The following PIK3C2G variants were observed in gnomAD, a reference collection of about 807,000 sequenced individuals.
The protein encoded by PIK3C2G is phosphatidylinositol-4-phosphate 3-kinase catalytic subunit type 2 gamma.
A neutral mutation model predicts 181.1 loss-of-function variants in PIK3C2G; 168 were observed. That is an observed-to-expected ratio of 0.93 (90% CI 0.82 to 1.05). PIK3C2G has a LOEUF of 1.05. Among genes scored for constraint, PIK3C2G ranks in the 50% least tolerant of loss-of-function variants. PIK3C2G has a pLI of 0.00. For missense variants in PIK3C2G, 1,869 were observed against 1,732.8 expected, an observed-to-expected ratio of 1.08 and a Z score of -1.40; for synonymous variants, 573 against 592.2, an observed-to-expected ratio of 0.97 and a Z score of 0.47.
At chr12:18,442,374 A>G (rs1946791001) in intron 18 of PIK3C2G, among the ~76,000 whole-genome samples, 1 of 151,362 alleles carries the variant, frequency 6.6e-6, no homozygotes, top group East Asian at 1.9e-4. Flanking sequence ...CCTTAGAAGA[A>G]TAAGAAAAAT....
chr12:18,623,036 CT>C (rs1948933070), intron 31 of PIK3C2G, among the ~76,000 whole-genome samples: 1 of 151,800 alleles, frequency 6.6e-6, no homozygotes, highest in Non-Finnish European at 1.5e-5. Context: ...TGTGCAGAAG[CT>C]TTTCATTTTG....
At chr12:18,552,305 CAT>C (rs2136294543) in intron 26 of PIK3C2G, among the ~76,000 whole-genome samples, 1 of 152,244 alleles carries the variant, frequency 6.6e-6, no homozygotes, top group Non-Finnish European at 1.5e-5. Flanking sequence ...TGTCTTAAAA[CAT>C]AGTTCAATGA....
intron 16 of PIK3C2G, among the ~76,000 whole-genome samples, chr12:18,419,305 C>T (rs1184389464): frequency 6.6e-6 from 1 of 152,160 alleles, no homozygotes; most frequent in Non-Finnish European, 1.5e-5. Flanking sequence ...AATAGTCACA[C>T]AGGGAAGCAT....
intron 18 of PIK3C2G, among the ~76,000 whole-genome samples, chr12:18,469,835 C>A (rs1472430500): frequency 6.7e-6 from 1 of 150,204 alleles, no homozygotes; most frequent in African/African-American, 2.4e-5. Flanking sequence ...GATATCAGCA[C>A]CCTCTTATTA....
At chr12:18,275,041 C>T (rs1176285705) in intron 1 of PIK3C2G, among the ~76,000 whole-genome samples, 1 of 152,126 alleles carries the variant, frequency 6.6e-6, no homozygotes, top group Non-Finnish European at 1.5e-5. Context: ...TTTTAAAAGT[C>T]CATAAGAACA....
At chr12:18,586,011 T>G (rs1329966790) in intron 29 of PIK3C2G, among the ~76,000 whole-genome samples, 3 of 152,026 alleles carry the variant, frequency 2.0e-5, no homozygotes, top group Non-Finnish European at 4.4e-5. Flanking sequence ...AAGAACAAAG[T>G]TACAACATAC....
chr12:18,554,588 G>A (rs1247376287), intron 26 of PIK3C2G, among the ~76,000 whole-genome samples: 1 of 151,990 alleles, frequency 6.6e-6, no homozygotes. Context: ...GTTTTATCAT[G>A]TACCCAGAAT....
At chr12:18,595,559 T>C (rs1947315057) in intron 30 of PIK3C2G, among the ~76,000 whole-genome samples, 1 of 152,150 alleles carries the variant, frequency 6.6e-6, no homozygotes, top group Non-Finnish European at 1.5e-5. Context: ...TAACTAAACA[T>C]GCCTTGGGAG....
intron 6 of PIK3C2G, among the ~76,000 whole-genome samples, chr12:18,318,492 G>C (rs181460068): frequency 1.3e-5 from 2 of 151,750 alleles, no homozygotes; most frequent in East Asian, 3.9e-4. Context: ...TTTTATAATG[G>C]TGTCAAAATT....
chr12:18,487,561 AAT>A (rs1213321711), intron 18 of PIK3C2G, among the ~76,000 whole-genome samples: 2 of 151,800 alleles, frequency 1.3e-5, no homozygotes, highest in Non-Finnish European at 2.9e-5. Flanking sequence ...TGTGCAAATA[AAT>A]TAGTCTTTTT....
At chr12:18,442,513 T>C (rs185033974) in intron 18 of PIK3C2G, among the ~76,000 whole-genome samples, 5 of 152,142 alleles carry the variant, frequency 3.3e-5, no homozygotes, top group East Asian at 1.9e-4. Flanking sequence ...TTAGTTGAGG[T>C]GAATTCTTAG....
At chr12:18,525,052 C>A (rs1943145752) in intron 24 of PIK3C2G, among the ~76,000 whole-genome samples, 1 of 151,870 alleles carries the variant, frequency 6.6e-6, no homozygotes, top group African/African-American at 2.4e-5. Flanking sequence ...ATTGTTTTTT[C>A]TTTTATTTAA....
At chr12:18,356,586 C>T (rs1940754930) in intron 11 of PIK3C2G, among the ~76,000 whole-genome samples, 2 of 152,036 alleles carry the variant, frequency 1.3e-5, no homozygotes, top group Admixed American at 6.5e-5. Context: ...GTTTGATGTC[C>T]AGGAAGAATT....
intron 19 of PIK3C2G, among the ~76,000 whole-genome samples, chr12:18,488,937 C>T (rs1940308758): frequency 6.6e-6 from 1 of 151,970 alleles, no homozygotes; most frequent in Non-Finnish European, 1.5e-5. Flanking sequence ...TATGGAGGCA[C>T]AATTCAGACT....
intron 30 of PIK3C2G, among the ~76,000 whole-genome samples, chr12:18,599,561 G>A (rs1005748081): frequency 2.1e-4 from 32 of 151,970 alleles, no homozygotes; most frequent in Middle Eastern, 3.4e-3. Flanking sequence ...TGACGAGTTA[G>A]TGGGTGCAGC....
At chr12:18,658,319 T>C in the PIK3C2G span, among the ~76,000 whole-genome samples, 1 of 152,200 alleles carries the variant, frequency 6.6e-6, no homozygotes, top group Non-Finnish European at 1.5e-5. Context: ...ATTCACTTGA[T>C]GAATTACATC....
At chr12:18,530,553 GTT>G (rs1943494177) in intron 24 of PIK3C2G, among the ~76,000 whole-genome samples, 1 of 151,996 alleles carries the variant, frequency 6.6e-6, no homozygotes, top group South Asian at 2.1e-4. Flanking sequence ...ACTTGATCTG[GTT>G]TTATTCTTCA....
At chr12:18,436,968 C>T (rs887920624) in intron 18 of PIK3C2G, among the ~76,000 whole-genome samples, 16 of 151,938 alleles carry the variant, frequency 1.1e-4, no homozygotes, top group Non-Finnish European at 1.2e-4. Context: ...CCTTGTTAAG[C>T]AACCACTTAC....
At chr12:18,477,456 A>G (rs1939117510) in intron 18 of PIK3C2G, among the ~76,000 whole-genome samples, 1 of 152,170 alleles carries the variant, frequency 6.6e-6, no homozygotes, top group African/African-American at 2.4e-5. Context: ...CAATAGCAAC[A>G]ACAGCATAAC....
Sources: gnomAD v4.1 joint callset for allele counts (sites outside exome capture counted in the v4.1 genomes callset) on GRCh38, gnomAD v4.1.1 for gene constraint, MANE v1.5 for transcripts, NCBI Gene and HGNC (gene_info 2026-07-23, HGNC 2026-07-21) for gene names.